BLTP1: variants seen among roughly 807,000 people sequenced by gnomAD.
BLTP1 encodes fragile site-associated protein.
the BLTP1 span, chr4:122,237,556 G>C: frequency 2.2e-6 from 1 of 463,996 alleles, no homozygotes; most frequent in Non-Finnish European, 2.8e-6. Context: ...GGGGTTCTTT[G>C]TACTATTCTT....
At chr4:122,173,681 C>T in the BLTP1 span, among the ~76,000 whole-genome samples, 1 of 152,138 alleles carries the variant, frequency 6.6e-6, no homozygotes, top group South Asian at 2.1e-4. Context: ...GATAATCTAA[C>T]TGGAATTTCT....
chr4:122,190,037 C>T, the BLTP1 span: 2 of 1,613,124 alleles, frequency 1.2e-6, no homozygotes, highest in Non-Finnish European at 1.7e-6. Flanking sequence ...TGTGGTGATG[C>T]AGTCAAATGA....
chr4:122,328,636 G>A, the BLTP1 span: 74 of 981,862 alleles, frequency 7.5e-5, no homozygotes, highest in South Asian at 1.0e-3. Flanking sequence ...ATGTGGTTAC[G>A]AGTAAATTAA....
chr4:122,225,114 A>G, the BLTP1 span: 1 of 698,826 alleles, frequency 1.4e-6, no homozygotes. Flanking sequence ...TTATGATACT[A>G]AGGATTAGGT....
At chr4:122,267,178 C>T in the BLTP1 span, among the ~76,000 whole-genome samples, 2 of 149,708 alleles carry the variant, frequency 1.3e-5, no homozygotes, top group Non-Finnish European at 3.0e-5. Flanking sequence ...CCTGCCTCAG[C>T]CTGCCGAGTA....
chr4:122,208,215 A>T, the BLTP1 span: 1 of 702,494 alleles, frequency 1.4e-6, no homozygotes, highest in Non-Finnish European at 1.7e-6. Context: ...TTATGTAGTA[A>T]CTCAATTCTC....
the BLTP1 span, chr4:122,272,027 C>T: frequency 4.3e-6 from 5 of 1,149,992 alleles, no homozygotes; most frequent in East Asian, 5.0e-5. Flanking sequence ...AATTTTTAAT[C>T]ATTTTGTTGG....
chr4:122,192,713 A>G, the BLTP1 span, among the ~76,000 whole-genome samples: 1 of 152,112 alleles, frequency 6.6e-6, no homozygotes, highest in Admixed American at 6.5e-5. Context: ...TATGCCAGAT[A>G]TTGTTGGGAC....
the BLTP1 span, among the ~76,000 whole-genome samples, chr4:122,335,782 G>A: frequency 4.6e-5 from 7 of 152,202 alleles, no homozygotes; most frequent in East Asian, 7.7e-4. Context: ...AAGAGAAATG[G>A]CATCCCATGT....
the BLTP1 span, among the ~76,000 whole-genome samples, chr4:122,232,770 A>C: frequency 6.6e-6 from 1 of 152,128 alleles, no homozygotes; most frequent in Non-Finnish European, 1.5e-5. Flanking sequence ...CTCAACCCTC[A>C]AGGTTGCTTG....
chr4:122,228,714 G>T, the BLTP1 span, among the ~76,000 whole-genome samples: 1 of 152,118 alleles, frequency 6.6e-6, no homozygotes, highest in African/African-American at 2.4e-5. Flanking sequence ...GTGTGTGTGT[G>T]TGTGAAAATA....
chr4:122,252,272 G>C, the BLTP1 span, among the ~76,000 whole-genome samples: 1 of 152,190 alleles, frequency 6.6e-6, no homozygotes, highest in African/African-American at 2.4e-5. Flanking sequence ...GAAAGCAGAG[G>C]GAGAAGTAAT....
chr4:122,325,950 A>T, the BLTP1 span: 2 of 636,134 alleles, frequency 3.1e-6, no homozygotes, highest in East Asian at 7.0e-5. Context: ...ATTTTGCTTT[A>T]AAACTAATCA....
chr4:122,273,064 G>A, the BLTP1 span: 1 of 241,684 alleles, frequency 4.1e-6, no homozygotes, highest in Admixed American at 6.5e-5. Flanking sequence ...AAAGTTGCAG[G>A]GATTCTCTTG....
chr4:122,260,202 A>G, the BLTP1 span, among the ~76,000 whole-genome samples: 9 of 152,230 alleles, frequency 5.9e-5, no homozygotes, highest in Non-Finnish European at 1.3e-4. Context: ...ATTGGAATGC[A>G]ATGGTGTTTG....
chr4:122,210,150 CT>C, the BLTP1 span: 1 of 272,532 alleles, frequency 3.7e-6, no homozygotes, highest in Non-Finnish European at 5.6e-6. Context: ...ATGTTTAATC[CT>C]TATAACAACT....
chr4:122,181,864 A>C, the BLTP1 span, among the ~76,000 whole-genome samples: 1 of 152,162 alleles, frequency 6.6e-6, no homozygotes, highest in Non-Finnish European at 1.5e-5. Flanking sequence ...ACTCTTCACC[A>C]ATGTTGTGCT....
chr4:122,215,693 GTTTAC>G, the BLTP1 span: 48 of 498,826 alleles, frequency 9.6e-5, no homozygotes, highest in African/African-American at 9.0e-4. Flanking sequence ...TTGTTTGTTT[GTTTAC>G]TTTATTTCAA....
chr4:122,240,239 C>T, the BLTP1 span: 1 of 1,614,074 alleles, frequency 6.2e-7, no homozygotes, highest in East Asian at 2.2e-5. Flanking sequence ...CAGTTAAGCA[C>T]CCAACCAACA....
Sources: allele counts gnomAD v4.1 joint callset (sites outside exome capture counted in the v4.1 genomes callset), GRCh38; gene constraint gnomAD v4.1.1; transcripts MANE v1.5; gene names NCBI Gene and HGNC (gene_info 2026-07-23, HGNC 2026-07-21).